CORO1C: variants seen among roughly 807,000 people sequenced by gnomAD.
CORO1C encodes the protein coronin 1C, also known as coronin-1C.
A neutral mutation model predicts 51.2 loss-of-function variants in CORO1C; 14 were observed. The ratio of observed to expected loss-of-function variants is 0.27; its 90% CI spans 0.18 to 0.43. CORO1C has a LOEUF of 0.43. Ranked by LOEUF, CORO1C falls within the 20% of genes least tolerant of loss-of-function variation. The pLI, the probability that CORO1C is intolerant of heterozygous loss-of-function variation, is 1.00. For synonymous variants in CORO1C, 181 were observed against 210.5 expected (o/e 0.86, Z 1.21); for missense variants, 417 against 607.8 (o/e 0.69, Z 3.30).
intron 2 of CORO1C, among the ~76,000 whole-genome samples, chr12:108,699,912 T>C (rs1342644628): frequency 6.6e-6 from 1 of 152,228 alleles, no homozygotes; most frequent in Non-Finnish European, 1.5e-5. Flanking sequence ...TACTGTGTTA[T>C]CTATCTGGCC....
rs148505203 is a variant in CORO1C at position 108,723,475 on chromosome 12, T to C, written c.-6+7954A>G. 3.2e-3 allele frequency among the ~76,000 whole-genome samples: 489 copies of C among 152,330 alleles called. 5 individuals carry two copies. Among genetic ancestry groups the C allele is most frequent in the African/African-American group, 0.011 (466 of 41,566 alleles). Reference sequence around the variant, plus strand: ...CCCCTATGATATCAAAAGTAGAAAATACAGCCTGACGGCTTCACTCTCCTA... The same window carrying C: ...CCCCTATGATATCAAAAGTAGAAAACACAGCCTGACGGCTTCACTCTCCTA... On this transcript the variant is annotated intron_variant, in intron 1 of 10. Coordinates refer to ENST00000261401, the MANE Select transcript of CORO1C (RefSeq NM_014325.4).
chr12:108,721,903 G>A (rs2035481871), intron 1 of CORO1C, among the ~76,000 whole-genome samples: 1 of 151,834 alleles, frequency 6.6e-6, no homozygotes, highest in Admixed American at 6.6e-5. Flanking sequence ...AAGCTGTGAA[G>A]TTCCCAAATG....
intron 2 of CORO1C, among the ~76,000 whole-genome samples, chr12:108,680,180 TA>T (rs2034073492): frequency 6.6e-6 from 1 of 152,182 alleles, no homozygotes; most frequent in Non-Finnish European, 1.5e-5. Flanking sequence ...GAGAGACATT[TA>T]AACAGCCAAT....
intron 1 of CORO1C, among the ~76,000 whole-genome samples, chr12:108,704,860 G>A (rs1345128125): frequency 1.3e-5 from 2 of 152,198 alleles, no homozygotes; most frequent in Non-Finnish European, 2.9e-5. Flanking sequence ...CTTCCTGGCC[G>A]TGGTACAGTA....
chr12:108,694,532 A>G (rs1231043510), intron 2 of CORO1C, among the ~76,000 whole-genome samples: 1 of 152,212 alleles, frequency 6.6e-6, no homozygotes, highest in African/African-American at 2.4e-5. Flanking sequence ...TATAAAGAAG[A>G]AAATAAAACA....
intron 1 of CORO1C, among the ~76,000 whole-genome samples, chr12:108,708,897 C>T (rs1435146632): frequency 3.3e-5 from 5 of 151,958 alleles, no homozygotes; most frequent in African/African-American, 1.2e-4. Context: ...GGACCACAAG[C>T]GTACGCCACC....
chr12:108,710,489 A>G (rs1592939325), intron 1 of CORO1C, among the ~76,000 whole-genome samples: 1 of 152,338 alleles, frequency 6.6e-6, no homozygotes, highest in African/African-American at 2.4e-5. Flanking sequence ...TTTATCTTCA[A>G]ATAAAATGTA....
chr12:108,660,295 TACA>T (rs2033201624), intron 4 of CORO1C, among the ~76,000 whole-genome samples: 1 of 151,898 alleles, frequency 6.6e-6, no homozygotes. Flanking sequence ...CTACTAAAAA[TACA>T]ACATTAGCCA....
At chr12:108,701,510 G>A (rs1011643455) in intron 1 of CORO1C, 187 bp from the exon 2 acceptor site, 14 of 744,164 alleles carry the variant, frequency 1.9e-5, no homozygotes, top group Admixed American at 8.8e-5. Context: ...TGCAAAATGC[G>A]TCAGGGAAAG....
chr12:108,704,783 A>G (rs1240253354), intron 1 of CORO1C, among the ~76,000 whole-genome samples: 1 of 152,238 alleles, frequency 6.6e-6, no homozygotes, highest in Non-Finnish European at 1.5e-5. Context: ...AATAGAGTAT[A>G]GCAATTAAGA....
Position 108,645,306 on chromosome 12 carries a change from G to T in CORO1C, c.*2097C>A, listed in dbSNP as rs2032306356. 6.6e-6 allele frequency: 1 copy of T among 151,550 alleles called. No individual in the cohort carries two copies. The highest frequency in any genetic ancestry group is 2.1e-4 in the South Asian group (1 of 4,796). The allele number at this position is 151,550 out of a possible 1,614,324, so 9.4% of individuals were successfully genotyped here. A position where few individuals can be genotyped will look rare whatever the true frequency, so the allele number is the denominator to read the frequency against. ...GGGCGCCTACTCTGAGCTTGGCTGG[G>T]CATCCATTCATTAAATAAGTCATAA... On this transcript the variant is annotated 3_prime_UTR_variant, in exon 11 of 11. Coordinates refer to ENST00000261401, the MANE Select transcript of CORO1C (RefSeq NM_014325.4).
intron 8 of CORO1C, chr12:108,649,288 A>G (rs546378368): frequency 8.0e-6 from 4 of 501,244 alleles, no homozygotes; most frequent in Non-Finnish European, 1.1e-5. Flanking sequence ...ACAAATGCCA[A>G]TTATCTGGGG....
At chr12:108,649,146 G>A in intron 8 of CORO1C, 126 bp from the exon 9 acceptor site, 1 of 1,054,956 alleles carries the variant, frequency 9.5e-7, no homozygotes, top group South Asian at 1.5e-5. Context: ...CCCCACATCT[G>A]ATCCACCCCG....
chr12:108,652,352 T>C lies in CORO1C; in HGVS notation c.921A>G (p.Thr307=), dbSNP rs1437888615. The change falls in exon 8 of 11, where the codon ACA becomes ACG. Residue 307 remains threonine, a synonymous_variant. Transcript: ENST00000261401. ...CTCTCTGAGGCTCCTTGCTGCTGAA[T>C]GTGTTGAGGTAGTGGACGTACGGGG... is the stretch of plus-strand genomic sequence containing the variant. The part of the protein sequence containing the change: ...DESPYVHYLN[T]FSSKEPQRGM... 2 of 1,613,866 alleles carry C rather than the reference T, an allele frequency of 1.2e-6. No homozygotes were observed. Among genetic ancestry groups the C allele is most frequent in the Admixed American group, 3.3e-5 (2 of 60,018 alleles).
At position 108,647,482 on chromosome 12, in the gene CORO1C, T is replaced by A. The variant is rs778259532; in HGVS notation, c.1346A>T (p.Lys449Ile). The change falls in exon 11 of 11, where the codon AAA (lysine) becomes ATA (isoleucine). Residue 449 changes from lysine (K) to isoleucine (I), a missense_variant. Lys to Ile is a moderately radical substitution (Grantham distance 102). Coordinates refer to ENST00000261401, the MANE Select transcript of CORO1C (RefSeq NM_014325.4). ...AKLDEILKEIKSIKDTICNQD... is the reference protein window; with the variant it reads ...AKLDEILKEIISIKDTICNQD... ...ATTGCAGATTGTGTCTTTTATAGAT[T>A]TGATCTCTTTTAAAATCTCATCCAA... The A allele has an allele frequency of 6.2e-7, 1 of 1,608,234 alleles. No individual in the cohort carries two copies.
intron 3 of CORO1C, among the ~76,000 whole-genome samples, chr12:108,676,839 A>G (rs2033925862): frequency 6.6e-6 from 1 of 152,068 alleles, no homozygotes; most frequent in South Asian, 2.1e-4. Context: ...AAATGCGTCC[A>G]TAGCCATTAA....
At chr12:108,673,034 T>TG (rs927394696) in intron 3 of CORO1C, among the ~76,000 whole-genome samples, 21 of 152,116 alleles carry the variant, frequency 1.4e-4, no homozygotes, top group South Asian at 4.1e-4. Flanking sequence ...GACCTTTAAG[T>TG]GTTTGGGTGA....
chr12:108,662,014 G>A lies in CORO1C; in HGVS notation c.448+15C>T. 2 of 1,614,054 alleles carry A rather than the reference G, an allele frequency of 1.2e-6. No homozygotes were observed. The highest frequency in any genetic ancestry group is 1.1e-5 in the South Asian group (1 of 91,072). ...AGTGGAAGACAAGGGGAGGACCGCT[G>A]AGCTCAGCTCCCACCTGCACTAAGA... On this transcript the variant is annotated intron_variant, in intron 4 of 10. Transcript: ENST00000261401.
intron 5 of CORO1C, among the ~76,000 whole-genome samples, chr12:108,657,943 C>CA: frequency 6.6e-6 from 1 of 152,292 alleles, no homozygotes; most frequent in Middle Eastern, 3.4e-3. Flanking sequence ...GCTCAGTAAG[C>CA]ACCAGCTACT....
Sources: allele counts gnomAD v4.1 joint callset (sites outside exome capture counted in the v4.1 genomes callset), GRCh38; gene constraint gnomAD v4.1.1; transcripts MANE v1.5; gene names NCBI Gene and HGNC (gene_info 2026-07-23, HGNC 2026-07-21).